LFNG: variants seen among roughly 807,000 people sequenced by gnomAD.
LFNG encodes LFNG O-fucosylpeptide 3-beta-N-acetylglucosaminyltransferase.
LFNG carries 15 observed loss-of-function variants against 32.7 expected under a neutral mutation model. That is an observed-to-expected ratio of 0.46 (90% confidence interval 0.31 to 0.71). The LOEUF (loss-of-function observed/expected upper bound fraction) is 0.71. Among genes scored for constraint, LFNG ranks in the 30% least tolerant of loss-of-function variants. The pLI is 0.06. For synonymous variants in LFNG, 274 were observed against 246.8 expected (o/e 1.11, Z -1.03); for missense variants, 520 against 545.7 (o/e 0.95, Z 0.47).
rs916015011 is a variant in LFNG, at chr7:2,522,904, G to A, written c.433-1791G>A. Among the ~76,000 whole-genome samples, 18 of 152,202 alleles carry A rather than the reference G, an allele frequency of 1.2e-4. 1 individual carries two copies. Among genetic ancestry groups the A allele is most frequent in the African/African-American group, 3.6e-4 (15 of 41,434 alleles). ...TGAAGACGAGACTGAGGCTCTGAGC[G>A]GCAGGTGAGGCCTATAGCCCAGCAG... On this transcript the variant is annotated intron_variant, in intron 1 of 7. Coordinates refer to ENST00000222725, the MANE Select transcript of LFNG (RefSeq NM_001040167.2).
In LFNG at chr7:2,524,687, C is replaced by T. The variant is rs1417618754; in HGVS notation, c.433-8C>T. 5.1e-6 allele frequency: 8 copies of T among 1,583,522 alleles called. No individual in the cohort carries two copies. The highest frequency in any genetic ancestry group is 6.9e-6 in the Non-Finnish European group (8 of 1,164,830). Reference sequence around the variant, plus strand: ...GCTGCCTGCTGAAGGCCGATTTTCTCCTTCCAGACGTTCATCTTCACTGAC... The same window carrying T: ...GCTGCCTGCTGAAGGCCGATTTTCTTCTTCCAGACGTTCATCTTCACTGAC... On this transcript the variant is annotated splice_polypyrimidine_tract_variant and splice_region_variant and intron_variant, in intron 1 of 7. Transcript: ENST00000222725.
Position 2,520,530 on chromosome 7 carries a change from T to A in LFNG, c.432+237T>A, listed in dbSNP as rs1403821788. Among the ~76,000 whole-genome samples, 3 of 152,202 alleles carry A rather than the reference T, an allele frequency of 2.0e-5. No individual in the cohort carries two copies. The highest frequency in any genetic ancestry group is 2.4e-5 in the African/African-American group (1 of 41,464). On this transcript the variant is annotated intron_variant, in intron 1 of 7. Coordinates refer to ENST00000222725, the MANE Select transcript of LFNG (RefSeq NM_001040167.2). This position sits in a 1 kb window ranked among gnomAD's most constrained non-coding sequence, Gnocchi z 5.0. ...TCCTGTCCAGCTCCAGAGTCCTGGA[T>A]GGCTGCAGGACCCTACACCAGTCTC...
upstream of LFNG, chr7:2,513,255 G>A (rs753028174): frequency 6.8e-6 from 11 of 1,606,092 alleles, no homozygotes; most frequent in South Asian, 1.2e-4. Context: ...ACAGATGGAT[G>A]GATGGATGGA....
chr7:2,525,168 C>T (rs372985601), intron 2 of LFNG, 51 bp from the exon 3 acceptor site: 1 of 1,519,536 alleles, frequency 6.6e-7, no homozygotes, highest in Non-Finnish European at 9.1e-7. Flanking sequence ...AGGCCAGGCC[C>T]CTCTCTGGGA....
At chr7:2,528,761 G>A (rs1780072931), downstream of LFNG, 10 of 641,994 alleles carry the variant, frequency 1.6e-5, no homozygotes, top group East Asian at 2.8e-4. Context: ...CCACTGGGGA[G>A]CCCAGCCCCT....
chr7:2,527,052 C>A lies in LFNG; in HGVS notation c.1074-94C>A, dbSNP rs753066389. On this transcript the variant is annotated intron_variant, in intron 7 of 7. Coordinates refer to ENST00000222725, the MANE Select transcript of LFNG (RefSeq NM_001040167.2). The surrounding 1 kb of genome is among the most constrained non-coding windows in gnomAD (Gnocchi z 4.4). Reference sequence around the variant, plus strand: ...GAGGTGTCCCCCGGAGTCCTGCTTGCTCGGGGTGGGGCCGCCAGTGTTGTG... The same window carrying A: ...GAGGTGTCCCCCGGAGTCCTGCTTGATCGGGGTGGGGCCGCCAGTGTTGTG... The A allele has an allele frequency of 3.4e-6, 5 of 1,452,598 alleles. No homozygotes were observed. Among genetic ancestry groups the A allele is most frequent in the Non-Finnish European group, 4.8e-6 (5 of 1,042,984 alleles). 90.0% of individuals were successfully genotyped at this position (1,452,598 alleles called of 1,614,324 possible).
At position 2,526,318 on chromosome 7, in the gene LFNG, C is replaced by T. The variant is rs747541557; in HGVS notation, c.896C>T (p.Ala299Val). The T allele has an allele frequency of 1.2e-6, 2 of 1,612,850 alleles. No homozygotes were observed. Among genetic ancestry groups the T allele is most frequent in the South Asian group, 1.1e-5 (1 of 91,086 alleles). The change falls in exon 6 of 8, where the codon GCC becomes GTC. Residue 299 changes from alanine (A) to valine (V), a missense_variant. Transcript: ENST00000222725. This position sits in a 1 kb window ranked among gnomAD's most constrained non-coding sequence, Gnocchi z 6.9. ...TGCACCATCGGCTACATCGTGGAGG[C>T]CCTGCTGGGTGTGCCCCTCATCCGC... ...DDCTIGYIVEALLGVPLIRSG... is the reference protein window; with the variant it reads ...DDCTIGYIVEVLLGVPLIRSG...
At chr7:2,515,469 G>A (rs949937617), upstream of LFNG, among the ~76,000 whole-genome samples, 1 of 152,208 alleles carries the variant, frequency 6.6e-6, no homozygotes, top group East Asian at 1.9e-4. Context: ...TTCTAGGAGG[G>A]GTAGCCCTTG....
intron 1 of LFNG, among the ~76,000 whole-genome samples, chr7:2,523,141 GAAA>G (rs1168790944): frequency 2.0e-5 from 3 of 152,244 alleles, no homozygotes; most frequent in African/African-American, 7.2e-5. Context: ...ATCTCATTAA[GAAA>G]GCATTTTCCT....
In LFNG at chr7:2,526,294, G is replaced by A. The variant is rs1348077350; in HGVS notation, c.872G>A (p.Cys291Tyr). ...GAGCGGATCCGGCTGCCTGATGACTGCACCATCGGCTACATCGTGGAGGCC... is the reference window on the plus strand; with the variant it reads ...GAGCGGATCCGGCTGCCTGATGACTACACCATCGGCTACATCGTGGAGGCC... ...TAERIRLPDD[C>Y]TIGYIVEALL... The change falls in exon 6 of 8, where the codon TGC (cysteine) becomes TAC (tyrosine). Residue 291 changes from cysteine (C) to tyrosine (Y), a missense_variant. By Grantham distance (194) the Cys-to-Tyr change is radical. Around this residue, in one of 3 missense-constraint regions of LFNG, gnomAD observed 150 missense variants for 159.9 expected, o/e 0.94. Coordinates refer to ENST00000222725, the MANE Select transcript of LFNG (RefSeq NM_001040167.2). This position sits in a 1 kb window ranked among gnomAD's most constrained non-coding sequence, Gnocchi z 6.9. 6.2e-7 allele frequency: 1 copy of A among 1,612,940 alleles called. No individual in the cohort carries two copies.
intron 1 of LFNG, among the ~76,000 whole-genome samples, chr7:2,524,149 C>T (rs866851054): frequency 6.6e-6 from 1 of 152,220 alleles, no homozygotes; most frequent in Admixed American, 6.5e-5. Context: ...TCCCTCCAGG[C>T]CCTTTGTCCG....
At position 2,527,141 on chromosome 7, in the gene LFNG, C is replaced by A. The variant is rs375460826; in HGVS notation, c.1074-5C>A. 4 of 1,612,224 alleles carry A rather than the reference C, an allele frequency of 2.5e-6. No individual in the cohort carries two copies. In the African/African-American group the frequency reaches 5.3e-5, roughly 22 times the overall value. On this transcript the variant is annotated splice_region_variant and splice_polypyrimidine_tract_variant and intron_variant, in intron 7 of 7. Transcript: ENST00000222725. The surrounding 1 kb of genome is among the most constrained non-coding windows in gnomAD (Gnocchi z 4.4). ...CGCAGACCAGCCCCTGCTCTGTTCC[C>A]ACAGGTTCCGCTCCATCCACTGCCA...
In LFNG at chr7:2,525,334, G is replaced by C. The variant is rs1779931100; in HGVS notation, c.581+16G>C. On this transcript the variant is annotated intron_variant, in intron 3 of 7. Coordinates refer to ENST00000222725, the MANE Select transcript of LFNG (RefSeq NM_001040167.2). ...CCGGCAGGAAGTGAGTGTGGCCCCG[G>C]GGGACCCCCATCTCCCTGCCCGAGC... 7 of 1,612,504 alleles carry C rather than the reference G, an allele frequency of 4.3e-6. No individual in the cohort carries two copies. In the East Asian group the frequency reaches 1.6e-4, roughly 36 times the overall value.
intron 5 of LFNG, among the ~76,000 whole-genome samples, chr7:2,525,996 C>T (rs918837663): frequency 6.6e-6 from 1 of 152,168 alleles, no homozygotes; most frequent in African/African-American, 2.4e-5. Context: ...CGATGAGCAC[C>T]CCAGGCACCA....
chr7:2,514,792 ATCCATTCATCTGTCGGTCTGTCTG>A (rs1779573318), upstream of LFNG, among the ~76,000 whole-genome samples: 1 of 150,242 alleles, frequency 6.7e-6, no homozygotes, highest in Non-Finnish European at 1.5e-5. Flanking sequence ...GCATCCATCC[ATCCATTCATCTGTCGGTCTGTCTG>A]TCCATCCATC....
In LFNG at chr7:2,527,032, G is replaced by A. The variant is rs1562555908; in HGVS notation, c.1073+111G>A. On this transcript the variant is annotated intron_variant, in intron 7 of 7. Transcript: ENST00000222725. This position sits in a 1 kb window ranked among gnomAD's most constrained non-coding sequence, Gnocchi z 4.4. The stretch of plus-strand genomic sequence containing the variant: ...AAGCGGCATGACTCTACATAGAGGT[G>A]TCCCCCGGAGTCCTGCTTGCTCGGG... The A allele has an allele frequency of 7.2e-7, 1 of 1,394,658 alleles. No individual in the cohort carries two copies. The highest frequency in any genetic ancestry group is 1.0e-6 in the Non-Finnish European group (1 of 993,308). 86.4% of individuals were successfully genotyped at this position (1,394,658 alleles called of 1,614,324 possible).
upstream of LFNG, among the ~76,000 whole-genome samples, chr7:2,516,797 C>G (rs945115676): frequency 2.0e-5 from 3 of 152,228 alleles, no homozygotes; most frequent in African/African-American, 7.2e-5. Context: ...GCGCCAGGGC[C>G]AGAGCTGGCC....
downstream of LFNG, chr7:2,528,954 A>C: frequency 2.0e-6 from 1 of 494,574 alleles, no homozygotes; most frequent in Non-Finnish European, 3.7e-6. Flanking sequence ...CTCAGACTCC[A>C]AGCCAGGCAG....
chr7:2,521,086 G>T (rs1425099103), intron 1 of LFNG, among the ~76,000 whole-genome samples: 2 of 152,208 alleles, frequency 1.3e-5, no homozygotes, highest in Non-Finnish European at 2.9e-5. Context: ...CTGTGAGGGT[G>T]GGGGCTCAGG....
Sources: gnomAD v4.1 joint callset for allele counts (sites outside exome capture counted in the v4.1 genomes callset) on GRCh38, gnomAD v4.1.1 for gene constraint, gnomAD v4.1.1 regional missense constraint, Gnocchi (gnomAD v3.1) non-coding constraint, MANE v1.5 for transcripts, NCBI Gene and HGNC (gene_info 2026-07-23, HGNC 2026-07-21) for gene names.